Variants in ABCB5 observed in about 807,000 individuals in gnomAD.
ABCB5 encodes the protein ATP-binding cassette sub-family B member 5.
In ABCB5, 155 loss-of-function variants were observed where a neutral mutation model predicts 144.2. That is an observed-to-expected ratio of 1.08 (90% CI 0.94 to 1.23). ABCB5 has a LOEUF of 1.23. Ranked by LOEUF, ABCB5 falls within the 50% of genes most tolerant of loss-of-function variation. The pLI, the probability that ABCB5 is intolerant of heterozygous loss-of-function variation, is 0.00. For missense variants in ABCB5, 1,830 were observed against 1,520.8 expected (o/e 1.20, Z -3.38); for synonymous variants, 610 against 528.6 (o/e 1.15, Z -2.11).
intron 23 of ABCB5, among the ~76,000 whole-genome samples, chr7:20,731,485 T>A (rs78498117): frequency 0.027 from 4,141 of 151,938 alleles, 185 homozygotes; most frequent in African/African-American, 0.09. Context: ...TTCATTAGTG[T>A]TCTCATCCAA....
chr7:20,717,943 C>A (rs1781737186), intron 20 of ABCB5, among the ~76,000 whole-genome samples: 1 of 118,496 alleles, frequency 8.4e-6, no homozygotes, highest in South Asian at 2.9e-4. Flanking sequence ...GCTCTGTCGC[C>A]CAGGCTGGAG....
At chr7:20,619,623 G>C (rs577971222) in intron 1 of ABCB5, among the ~76,000 whole-genome samples, 27 of 152,120 alleles carry the variant, frequency 1.8e-4, no homozygotes, top group African/African-American at 6.0e-4. Flanking sequence ...CTCTCATTTT[G>C]TAGGTTATGT....
At chr7:20,750,766 G>A (rs1264448064) in intron 26 of ABCB5, among the ~76,000 whole-genome samples, 1 of 151,100 alleles carries the variant, frequency 6.6e-6, no homozygotes, top group Admixed American at 6.6e-5. Flanking sequence ...CAAACCAGAA[G>A]GGTGCAGAGC....
rs1786942153 is a variant in ABCB5 at position 20,709,541 on chromosome 7, T to C, written c.2421+4734T>C. Reference sequence around the variant, plus strand: ...TTCCTTAAAAACATGGCATTGAAAGTCCACATTTCTCTTATTTTCTGTTTT... The same window carrying C: ...TTCCTTAAAAACATGGCATTGAAAGCCCACATTTCTCTTATTTTCTGTTTT... On this transcript the variant is annotated intron_variant, in intron 20 of 27. Coordinates refer to ENST00000404938, the MANE Select transcript of ABCB5 (RefSeq NM_001163941.2). 2.7e-5 allele frequency among the ~76,000 whole-genome samples: 4 copies of C among 149,880 alleles called. No individual in the cohort carries two copies. The South Asian group carries it at 8.6e-4, about 32-fold the overall frequency.
Position 20,704,731 on chromosome 7 carries a change from C to T in ABCB5, c.2345C>T (p.Ala782Val). 1.2e-6 allele frequency: 2 copies of T among 1,613,016 alleles called. No homozygotes were observed. Among genetic ancestry groups the T allele is most frequent in the South Asian group, 2.2e-5 (2 of 90,974 alleles). Reference sequence around the variant, plus strand: ...AATTCTCCTTTTCTCTAGGATATTGCCTGGTTTGATGAAAAGGAAAACAGC... The same window carrying T: ...AATTCTCCTTTTCTCTAGGATATTGTCTGGTTTGATGAAAAGGAAAACAGC... The part of the protein sequence containing the change: ...AFKAMLYQDI[A>V]WFDEKENSTG... The change falls in exon 20 of 28, where the codon GCC (alanine) becomes GTC (valine). Residue 782 changes from alanine to valine, a missense_variant. By Grantham distance (64) the Ala-to-Val change is moderately conservative. Coordinates refer to ENST00000404938, the MANE Select transcript of ABCB5 (RefSeq NM_001163941.2).
intron 14 of ABCB5, among the ~76,000 whole-genome samples, chr7:20,665,766 G>GATAT (rs764584750): frequency 1.9e-4 from 25 of 131,410 alleles, no homozygotes; most frequent in Admixed American, 9.0e-4. Flanking sequence ...TAGATAGATA[G>GATAT]AGATACATAC....
rs754249318 is a variant in ABCB5, at chr7:20,628,786, A to G, written c.207A>G (p.Leu69=). The change falls in exon 4 of 28, where the codon TTA becomes TTG. Residue 69 remains leucine, a synonymous_variant. Coordinates refer to ENST00000404938, the MANE Select transcript of ABCB5 (RefSeq NM_001163941.2). ...GCCTTCCTTTAATGCCACTGGTTTT[A>G]GGAGAAATGAGTGATAACCTTATTA... ...GACLPLMPLV[L]GEMSDNLISG... is the part of the protein sequence containing the mutation. The G allele has an allele frequency of 1.2e-6, 2 of 1,613,806 alleles. No homozygotes were observed.
chr7:20,701,231 A>T lies in ABCB5; in HGVS notation c.2337+1096A>T, dbSNP rs1048207659. Among the ~76,000 whole-genome samples, 5 of 152,294 alleles carry T rather than the reference A, an allele frequency of 3.3e-5. No individual in the cohort carries two copies. The South Asian group carries it at 1.0e-3, about 32-fold the overall frequency. ...TCTCATGTTAAAGTTGTACATTATT[A>T]TTTTTTAATTTATGAATACTTTAGG... On this transcript the variant is annotated intron_variant, in intron 19 of 27. Transcript: ENST00000404938.
At chr7:20,665,328 TCTCGGACCA>T (rs1490939172) in intron 14 of ABCB5, among the ~76,000 whole-genome samples, 2 of 152,160 alleles carry the variant, frequency 1.3e-5, no homozygotes, top group African/African-American at 4.8e-5. Context: ...AAGAAAGCAT[TCTCGGACCA>T]GTGACGTGGT....
chr7:20,744,486 T>C (rs1017100360), intron 25 of ABCB5, among the ~76,000 whole-genome samples: 1 of 152,086 alleles, frequency 6.6e-6, no homozygotes, highest in African/African-American at 2.4e-5. Flanking sequence ...TGCCTCTCCA[T>C]ACCCTCCCCA....
chr7:20,717,536 G>T (rs900923140), intron 20 of ABCB5, among the ~76,000 whole-genome samples: 1 of 150,552 alleles, frequency 6.6e-6, no homozygotes, highest in Non-Finnish European at 1.5e-5. Context: ...TCCGCCTCCC[G>T]GGTTCAAGCG....
chr7:20,646,272 A>C, intron 9 of ABCB5, 134 bp downstream of exon 9: 1 of 856,508 alleles, frequency 1.2e-6, no homozygotes, highest in East Asian at 2.6e-5. Context: ...CCCTCAAATT[A>C]TCTGTATACA....
intron 5 of ABCB5, among the ~76,000 whole-genome samples, chr7:20,642,450 T>C (rs1431460990): frequency 6.6e-6 from 1 of 152,206 alleles, no homozygotes. Flanking sequence ...TTATCTGCAC[T>C]AGCTCTCCCA....
intron 13 of ABCB5, among the ~76,000 whole-genome samples, chr7:20,657,452 G>A (rs937958771): frequency 6.6e-6 from 1 of 152,164 alleles, no homozygotes; most frequent in African/African-American, 2.4e-5. Context: ...ATAAATAGGA[G>A]TGAACAACTG....
intron 5 of ABCB5, among the ~76,000 whole-genome samples, chr7:20,638,075 G>A (rs769323851): frequency 1.4e-4 from 21 of 152,176 alleles, no homozygotes; most frequent in South Asian, 2.1e-4. Context: ...TGGAAAACTC[G>A]AGTGTGTTGT....
At position 20,651,575 on chromosome 7, in the gene ABCB5, A is replaced by G. The variant is rs1442886615; in HGVS notation, c.1488A>G (p.Arg496=). The G allele has an allele frequency of 6.2e-7, 1 of 1,614,122 alleles. No homozygotes were observed. Among genetic ancestry groups the G allele is most frequent in the Non-Finnish European group, 8.5e-7 (1 of 1,179,990 alleles). The stretch of plus-strand genomic sequence containing the variant: ...ATGTGACTGATGAAGAGATGGAGAG[A>G]GCAGCAAGGGAAGCAAATGCGTATG... ...RDDVTDEEME[R]AAREANAYDF... The change falls in exon 13 of 28, where the codon AGA becomes AGG. Residue 496 remains arginine (R), a synonymous_variant. Coordinates refer to ENST00000404938, the MANE Select transcript of ABCB5 (RefSeq NM_001163941.2).
intron 26 of ABCB5, among the ~76,000 whole-genome samples, chr7:20,749,060 C>G (rs10238150): frequency 0.35 from 52,471 of 149,826 alleles, 9,375 homozygotes; most frequent in African/African-American, 0.39. Flanking sequence ...CCCTTTCTTT[C>G]TCTCTCCCTT....
At chr7:20,661,041 C>A (rs1482126578) in intron 14 of ABCB5, among the ~76,000 whole-genome samples, 3 of 152,212 alleles carry the variant, frequency 2.0e-5, no homozygotes, top group African/African-American at 7.2e-5. Flanking sequence ...ATTGCAGTAG[C>A]TAACTCTGCA....
At chr7:20,624,085 TA>T (rs1228696841) in intron 2 of ABCB5, among the ~76,000 whole-genome samples, 2 of 152,230 alleles carry the variant, frequency 1.3e-5, no homozygotes, top group Non-Finnish European at 2.9e-5. Flanking sequence ...TTTCCCAAAG[TA>T]AATGTTCTCC....
Sources: gnomAD v4.1 joint callset for allele counts (sites outside exome capture counted in the v4.1 genomes callset) on GRCh38, gnomAD v4.1.1 for gene constraint, MANE v1.5 for transcripts, NCBI Gene and HGNC (gene_info 2026-07-23, HGNC 2026-07-21) for gene names.